The following TMEM177 variants were observed in gnomAD, a reference collection of about 807,000 sequenced individuals.
TMEM177 encodes transmembrane protein 177.
TMEM177 carries 4 observed loss-of-function variants against 14.2 expected under a neutral mutation model. The ratio of observed to expected loss-of-function variants is 0.28; its 90% CI spans 0.14 to 0.64. The LOEUF is 0.64. TMEM177 is among the 30% of genes least tolerant of loss of function. TMEM177 has a pLI of 0.82. For missense variants in TMEM177, 344 were observed against 405.2 expected (o/e 0.85, Z 1.30); for synonymous variants, 179 against 174.5 (o/e 1.03, Z -0.20).
chr2:119,701,149 C>G, the TMEM177 span, among the ~76,000 whole-genome samples: 1 of 152,262 alleles, frequency 6.6e-6, no homozygotes, highest in East Asian at 1.9e-4. Context: ...TTTTTTCTCC[C>G]TATTTAAGGT....
the TMEM177 span, among the ~76,000 whole-genome samples, chr2:119,718,056 G>C: frequency 6.6e-6 from 1 of 152,160 alleles, no homozygotes; most frequent in African/African-American, 2.4e-5. Context: ...GGGAGTGGGG[G>C]CACAAATAGG....
At chr2:119,722,527 C>T in the TMEM177 span, among the ~76,000 whole-genome samples, 9 of 152,182 alleles carry the variant, frequency 5.9e-5, no homozygotes, top group South Asian at 4.2e-4. Flanking sequence ...TTACCAGCTG[C>T]GGGAAGAGAC....
At chr2:119,687,163 A>G (rs773486979), downstream of TMEM177, among the ~76,000 whole-genome samples, 28 of 152,122 alleles carry the variant, frequency 1.8e-4, no homozygotes, top group African/African-American at 3.4e-4. Context: ...CACATGTTTT[A>G]TCTTGAAGCA....
the TMEM177 span, among the ~76,000 whole-genome samples, chr2:119,695,105 C>T: frequency 6.6e-6 from 1 of 152,198 alleles, no homozygotes; most frequent in African/African-American, 2.4e-5. Context: ...AATGATTGTG[C>T]AACACAGCTG....
chr2:119,712,020 G>C, the TMEM177 span, among the ~76,000 whole-genome samples: 57 of 152,172 alleles, frequency 3.7e-4, no homozygotes, highest in African/African-American at 1.2e-3. Context: ...ACAGAGACAG[G>C]TCCAGAGCCT....
the TMEM177 span, among the ~76,000 whole-genome samples, chr2:119,707,273 T>A: frequency 7.2e-5 from 11 of 152,112 alleles, no homozygotes; most frequent in Non-Finnish European, 1.5e-4. Flanking sequence ...GATCACGTGA[T>A]CATCAGTAAC....
In TMEM177 at chr2:119,682,112, C is replaced by A; in HGVS notation, c.*323C>A. 1 of 253,794 alleles carries A rather than the reference C, an allele frequency of 3.9e-6. No homozygotes were observed. The highest frequency in any genetic ancestry group is 7.9e-6 in the Non-Finnish European group (1 of 126,906). 15.7% of individuals were successfully genotyped at this position (253,794 alleles called of 1,614,324 possible). A position where few individuals can be genotyped will look rare whatever the true frequency, so the allele number is the denominator to read the frequency against. ...GGTGCACTGTAAATAAACAGACATCCCTCCTTCTTGGTCGTTTTTTTTTTT... is the reference window on the plus strand; with the variant it reads ...GGTGCACTGTAAATAAACAGACATCACTCCTTCTTGGTCGTTTTTTTTTTT... On this transcript the variant is annotated 3_prime_UTR_variant, in exon 2 of 2. Transcript: ENST00000272521.
chr2:119,681,874 T>TATA lies in TMEM177; in HGVS notation c.*86_*88dup. 7.4e-7 allele frequency: 1 copy of TATA among 1,354,638 alleles called. No homozygotes were observed. Among genetic ancestry groups the TATA allele is most frequent in the Admixed American group, 2.1e-5 (1 of 47,378 alleles). The allele number at this position is 1,354,638 out of a possible 1,614,324, so 83.9% of individuals were successfully genotyped here. A position where few individuals can be genotyped will look rare whatever the true frequency, so the allele number is the denominator to read the frequency against. On this transcript the variant is annotated 3_prime_UTR_variant, in exon 2 of 2. Coordinates refer to ENST00000272521, the MANE Select transcript of TMEM177 (RefSeq NM_030577.3). ...AGGGCCCTGTTGGAGCCTTTGGACCTATAGCTCACGGCCAGAAAAATCACT... is the reference window on the plus strand; with the variant it reads ...AGGGCCCTGTTGGAGCCTTTGGACCTATAATAGCTCACGGCCAGAAAAATCACT...
downstream of TMEM177, among the ~76,000 whole-genome samples, chr2:119,682,932 G>A (rs752421695): frequency 2.2e-4 from 34 of 152,228 alleles, no homozygotes; most frequent in African/African-American, 7.2e-4. Flanking sequence ...TGAGCCCTCC[G>A]GTGGTGGATG....
Position 119,681,844 on chromosome 2 carries a change from T to C in TMEM177, c.*55T>C, listed in dbSNP as rs367716592. ...GTGCAGACACCACCCTGCCATTGAGTCTGGAGGGCCCTGTTGGAGCCTTTG... is the reference window on the plus strand; with the variant it reads ...GTGCAGACACCACCCTGCCATTGAGCCTGGAGGGCCCTGTTGGAGCCTTTG... On this transcript the variant is annotated 3_prime_UTR_variant, in exon 2 of 2. Transcript: ENST00000272521. The C allele has an allele frequency of 1.1e-5, 17 of 1,543,938 alleles. No individual in the cohort carries two copies. Among genetic ancestry groups the C allele is most frequent in the Non-Finnish European group, 1.5e-5 (17 of 1,131,624 alleles).
the TMEM177 span, among the ~76,000 whole-genome samples, chr2:119,711,082 TGAAGACCGACCACCCCACCCTCAC>T: frequency 6.6e-6 from 1 of 152,086 alleles, no homozygotes; most frequent in East Asian, 1.9e-4. Context: ...AGGAGAGGGA[TGAAGACCGACCACCCCACCCTCAC>T]GATAGGTGCC....
the TMEM177 span, among the ~76,000 whole-genome samples, chr2:119,702,574 A>C: frequency 6.6e-6 from 1 of 152,226 alleles, no homozygotes; most frequent in African/African-American, 2.4e-5. Flanking sequence ...GACTAAAATT[A>C]AGTTACTACC....
At chr2:119,699,920 G>T in the TMEM177 span, 2 of 441,900 alleles carry the variant, frequency 4.5e-6, no homozygotes, top group South Asian at 1.7e-5. Flanking sequence ...GAACTTAAGG[G>T]TTTAGATGTA....
the TMEM177 span, among the ~76,000 whole-genome samples, chr2:119,694,388 C>T: frequency 3.9e-5 from 6 of 152,140 alleles, no homozygotes; most frequent in African/African-American, 1.4e-4. Flanking sequence ...GGAAGTCCAG[C>T]CTAAATAAGG....
downstream of TMEM177, among the ~76,000 whole-genome samples, chr2:119,683,903 C>G (rs569177898): frequency 4.4e-4 from 67 of 151,944 alleles, no homozygotes; most frequent in Non-Finnish European, 5.4e-4. Flanking sequence ...CGTGTCCCTT[C>G]TTCCCCCTCC....
At chr2:119,697,455 G>A in the TMEM177 span, among the ~76,000 whole-genome samples, 31 of 152,230 alleles carry the variant, frequency 2.0e-4, no homozygotes, top group Admixed American at 3.9e-4. Flanking sequence ...AGGCTGAGGC[G>A]GGAGAATCAC....
chr2:119,714,835 C>T, the TMEM177 span, among the ~76,000 whole-genome samples: 2 of 152,198 alleles, frequency 1.3e-5, no homozygotes, highest in Non-Finnish European at 2.9e-5. Flanking sequence ...CTGGCTGAGG[C>T]ACATGGGACT....
chr2:119,682,113 C>A lies in TMEM177; in HGVS notation c.*324C>A. On this transcript the variant is annotated 3_prime_UTR_variant, in exon 2 of 2. Coordinates refer to ENST00000272521, the MANE Select transcript of TMEM177 (RefSeq NM_030577.3). ...GTGCACTGTAAATAAACAGACATCC[C>A]TCCTTCTTGGTCGTTTTTTTTTTTT... The A allele has an allele frequency of 4.0e-6, 1 of 250,120 alleles. No individual in the cohort carries two copies. The highest frequency in any genetic ancestry group is 8.0e-6 in the Non-Finnish European group (1 of 124,442). 15.5% of individuals were successfully genotyped at this position (250,120 alleles called of 1,614,324 possible).
downstream of TMEM177, among the ~76,000 whole-genome samples, chr2:119,682,702 C>T (rs1008242756): frequency 6.6e-6 from 1 of 152,136 alleles, no homozygotes; most frequent in South Asian, 2.1e-4. Flanking sequence ...ATTGTAAGAC[C>T]GAGGCCCTGC....
Sources: gnomAD v4.1 joint callset for allele counts (sites outside exome capture counted in the v4.1 genomes callset) on GRCh38, gnomAD v4.1.1 for gene constraint, MANE v1.5 for transcripts, NCBI Gene and HGNC (gene_info 2026-07-23, HGNC 2026-07-21) for gene names.